The following IL5RA variants were observed in gnomAD, a reference collection of about 807,000 sequenced individuals.
IL5RA encodes the protein interleukin 5 receptor subunit alpha.
IL5RA carries 49 observed loss-of-function variants against 50.0 expected under a neutral mutation model. The ratio of observed to expected loss-of-function variants is 0.98; its 90% CI spans 0.78 to 1.24. The LOEUF (loss-of-function observed/expected upper bound fraction) is 1.24. IL5RA is among the 50% of genes most tolerant of loss of function. The probability of loss-of-function intolerance (pLI) is 0.00; values close to 1 mark genes in which losing one functional copy is unlikely to be tolerated. For missense variants in IL5RA, 600 were observed against 500.4 expected (o/e 1.20, Z -1.90); for synonymous variants, 202 against 174.0 (o/e 1.16, Z -1.26).
At chr3:3,085,440 A>T (rs1181941493) in intron 9 of IL5RA, among the ~76,000 whole-genome samples, 1 of 152,184 alleles carries the variant, frequency 6.6e-6, no homozygotes, top group Non-Finnish European at 1.5e-5. Flanking sequence ...AACAAGAAAA[A>T]GCTGCTGAAG....
rs1704117381 is a variant in IL5RA, at chr3:3,110,202, CG to C, written c.-404del. On this transcript the variant is annotated 5_prime_UTR_variant, in exon 1 of 12. It introduces an in-frame stop codon into an upstream open reading frame of the 5' UTR. Transcript: ENST00000446632. The stretch of plus-strand genomic sequence containing the variant: ...TCCCAACAACCAAACTGCTGTCAAA[CG>C]AAAGAATCTCTCGTCCAGATAGCCA... 1 of 152,246 alleles carries C rather than the reference CG, an allele frequency of 6.6e-6. No homozygotes were observed. Among genetic ancestry groups the C allele is most frequent in the South Asian group, 2.1e-4 (1 of 4,838 alleles). 9.4% of individuals were successfully genotyped at this position (152,246 alleles called of 1,614,324 possible). A position where few individuals can be genotyped will look rare whatever the true frequency, so the allele number is the denominator to read the frequency against.
chr3:3,109,230 A>G (rs1704070566), intron 1 of IL5RA, among the ~76,000 whole-genome samples: 1 of 152,184 alleles, frequency 6.6e-6, no homozygotes, highest in African/African-American at 2.4e-5. Context: ...TAGTGAACAC[A>G]AAACCAAGTG....
intron 9 of IL5RA, among the ~76,000 whole-genome samples, chr3:3,082,816 C>A (rs340813): frequency 0.44 from 67,364 of 152,034 alleles, 15,551 homozygotes; most frequent in African/African-American, 0.59. Flanking sequence ...GTTTAGACTA[C>A]TAGCTCTTAG....
chr3:3,085,647 CA>C (rs749396749), intron 9 of IL5RA, among the ~76,000 whole-genome samples: 5 of 152,158 alleles, frequency 3.3e-5, no homozygotes, highest in Non-Finnish European at 7.4e-5. Context: ...CAAGTCACCT[CA>C]CACATCAGCC....
rs1177534735 is a variant in IL5RA at position 3,068,760 on chromosome 3, G to A, written c.*1465C>T. ...TGACACTCCTCTGCACATTTCTGGG[G>A]TCACTTTTACCTGAGCCTGGTATTC... On this transcript the variant is annotated 3_prime_UTR_variant, in exon 12 of 12. Transcript: ENST00000446632. 6.6e-6 allele frequency: 1 copy of A among 152,114 alleles called. No individual in the cohort carries two copies. The highest frequency in any genetic ancestry group is 1.5e-5 in the Non-Finnish European group (1 of 68,052). The allele number at this position is 152,114 out of a possible 1,614,324, so 9.4% of individuals were successfully genotyped here. A position where few individuals can be genotyped will look rare whatever the true frequency, so the allele number is the denominator to read the frequency against.
At chr3:3,095,465 T>C in intron 7 of IL5RA, 21 bp from the exon 8 acceptor site, 1 of 1,524,482 alleles carries the variant, frequency 6.6e-7, no homozygotes, top group Non-Finnish European at 8.8e-7. Flanking sequence ...GAACGAAAGA[T>C]CAGTGATTTT....
intron 2 of IL5RA, among the ~76,000 whole-genome samples, chr3:3,106,866 T>G (rs967118268): frequency 6.6e-6 from 1 of 151,594 alleles, no homozygotes; most frequent in Non-Finnish European, 1.5e-5. Context: ...TTTGTGACTT[T>G]CACTGACTGG....
chr3:3,101,840 A>C lies in IL5RA; in HGVS notation c.229-10T>G, dbSNP rs771215742. The C allele has an allele frequency of 6.2e-7, 1 of 1,612,606 alleles. No individual in the cohort carries two copies. The highest frequency in any genetic ancestry group is 1.1e-5 in the South Asian group (1 of 90,816). ...TGATTCTGGTTTCATACTAAAAATA[A>C]AACCCACAAGTCATGATACATAAAA... On this transcript the variant is annotated splice_polypyrimidine_tract_variant and intron_variant, in intron 4 of 11. Coordinates refer to ENST00000446632, the MANE Select transcript of IL5RA (RefSeq NM_175726.4).
intron 9 of IL5RA, among the ~76,000 whole-genome samples, chr3:3,081,902 C>T (rs1486875417): frequency 6.6e-6 from 1 of 152,186 alleles, no homozygotes; most frequent in Non-Finnish European, 1.5e-5. Flanking sequence ...GGCTACTCCC[C>T]TATAGCTAGT....
intron 3 of IL5RA, 24 bp downstream of exon 3, chr3:3,104,879 T>C (rs573622805): frequency 7.9e-6 from 11 of 1,399,752 alleles, no homozygotes; most frequent in Non-Finnish European, 9.1e-6. Context: ...ATAAACATTA[T>C]TGAATTGAAT....
chr3:3,075,881 T>G (rs1702464202), intron 10 of IL5RA, among the ~76,000 whole-genome samples: 1 of 152,124 alleles, frequency 6.6e-6, no homozygotes, highest in Non-Finnish European at 1.5e-5. Context: ...ATTACAGGAG[T>G]GAGCCCCCAC....
intron 5 of IL5RA, among the ~76,000 whole-genome samples, chr3:3,100,396 T>C (rs149347084): frequency 2.7e-4 from 41 of 152,350 alleles, no homozygotes; most frequent in Non-Finnish European, 5.1e-4. Context: ...AATTGACTTA[T>C]TCAGTTCATG....
At chr3:3,105,056 C>G in intron 2 of IL5RA, 69 bp from the exon 3 acceptor site, 1 of 1,006,564 alleles carries the variant, frequency 9.9e-7, no homozygotes, top group African/African-American at 1.6e-5. Context: ...TAGCTGCTTT[C>G]TAACATAAAA....
At chr3:3,094,411 G>A (rs140074696) in intron 8 of IL5RA, among the ~76,000 whole-genome samples, 1 of 152,220 alleles carries the variant, frequency 6.6e-6, no homozygotes, top group Non-Finnish European at 1.5e-5. Flanking sequence ...TGTCCTCAAG[G>A]CTCCTCCATG....
chr3:3,081,623 C>A (rs1336351594), intron 9 of IL5RA, among the ~76,000 whole-genome samples: 1 of 152,184 alleles, frequency 6.6e-6, no homozygotes, highest in Non-Finnish European at 1.5e-5. Context: ...GATAACAGTA[C>A]CGTTTTCTTC....
intron 1 of IL5RA, among the ~76,000 whole-genome samples, chr3:3,109,073 C>G (rs1013140484): frequency 6.6e-6 from 1 of 152,164 alleles, no homozygotes. Flanking sequence ...AAAGCACCAT[C>G]ACTTTTCATG....
rs191267710 is a variant in IL5RA at position 3,083,046 on chromosome 3, G to A, written c.995-6419C>T. ...GGAGAAGTTCAAATGGCACCAACAG[G>A]GTTGGATAATTGAGAGGATGTCAAT... On this transcript the variant is annotated intron_variant, in intron 9 of 11. Coordinates refer to ENST00000446632, the MANE Select transcript of IL5RA (RefSeq NM_175726.4). Among the ~76,000 whole-genome samples, 691 of 152,276 alleles carry A rather than the reference G, an allele frequency of 4.5e-3. 3 individuals carry two copies. Among genetic ancestry groups the A allele is most frequent in the Non-Finnish European group, 7.2e-3 (492 of 68,018 alleles).
chr3:3,070,823 C>A (rs1048682894), intron 11 of IL5RA, among the ~76,000 whole-genome samples: 1 of 151,874 alleles, frequency 6.6e-6, no homozygotes, highest in African/African-American at 2.4e-5. Context: ...CCTTGTGATC[C>A]CCCCGCCTCG....
At chr3:3,073,723 C>A in intron 11 of IL5RA, 1 of 430,802 alleles carries the variant, frequency 2.3e-6, no homozygotes. Context: ...CACTTTTCCC[C>A]AAATTAACTG....
Sources: allele counts gnomAD v4.1 joint callset (sites outside exome capture counted in the v4.1 genomes callset), GRCh38; gene constraint gnomAD v4.1.1; transcripts MANE v1.5; gene names NCBI Gene and HGNC (gene_info 2026-07-23, HGNC 2026-07-21).